The following PHACTR1 variants were observed in gnomAD, a reference collection of about 807,000 sequenced individuals.
The protein encoded by PHACTR1 is RPEL repeat containing 1.
PHACTR1 carries 16 observed loss-of-function variants against 69.2 expected under a neutral mutation model. The ratio of observed to expected loss-of-function variants is 0.23; its 90% CI spans 0.16 to 0.35. The LOEUF (loss-of-function observed/expected upper bound fraction) is 0.35, where lower values mean the gene tolerates loss of function less well. Ranked by LOEUF, PHACTR1 falls within the 10% of genes least tolerant of loss-of-function variation. The probability of loss-of-function intolerance (pLI) is 1.00; values close to 1 mark genes in which losing one functional copy is unlikely to be tolerated. For missense variants in PHACTR1, 510 were observed against 734.7 expected (o/e 0.69, Z 3.54); for synonymous variants, 312 against 284.5 (o/e 1.10, Z -0.97).
chr6:13,118,420 C>T (rs892736764), intron 5 of PHACTR1, among the ~76,000 whole-genome samples: 8 of 151,396 alleles, frequency 5.3e-5, no homozygotes, highest in Admixed American at 1.3e-4. Context: ...ATAACATCCT[C>T]GTGAAGCTTC....
In PHACTR1 at chr6:13,206,746, GGGCACACT is replaced by G. The variant is rs1489132410; in HGVS notation, c.986+611_986+618del. Among the ~76,000 whole-genome samples, 3 of 152,116 alleles carry G rather than the reference GGGCACACT, an allele frequency of 2.0e-5. No individual in the cohort carries two copies. In the East Asian group the frequency reaches 5.8e-4, roughly 29 times the overall value. ...CCTGGTCAGACATCATCCCCTCACAGGGCACACTTACACCCACACCCACACCCACACTC... is the reference window on the plus strand; with the variant it reads ...CCTGGTCAGACATCATCCCCTCACAGTACACCCACACCCACACCCACACTC... On this transcript the variant is annotated intron_variant, in intron 8 of 14. Transcript: ENST00000332995.
intron 4 of PHACTR1, among the ~76,000 whole-genome samples, chr6:13,020,440 C>T (rs754044571): frequency 6.6e-6 from 1 of 152,178 alleles, no homozygotes; most frequent in East Asian, 1.9e-4. Flanking sequence ...AACAGTCCAG[C>T]GAGGGACGTT....
chr6:13,231,083 GGAAGAAGGAAGGAAGGGAAAA>G (rs1770911485), intron 10 of PHACTR1, among the ~76,000 whole-genome samples: 2 of 25,932 alleles, frequency 7.7e-5, no homozygotes, highest in African/African-American at 3.6e-4. Context: ...AAGGAAGGAA[GGAAGAAGGAAGGAAGGGAAAA>G]GAAAGAAGGA....
intron 3 of PHACTR1, among the ~76,000 whole-genome samples, chr6:12,743,062 C>A (rs1437101048): frequency 6.6e-6 from 1 of 152,072 alleles, no homozygotes; most frequent in African/African-American, 2.4e-5. Context: ...CCAATATGTG[C>A]CCAGAATTTA....
At chr6:13,150,541 A>G (rs552963697) in intron 5 of PHACTR1, among the ~76,000 whole-genome samples, 1 of 152,282 alleles carries the variant, frequency 6.6e-6, no homozygotes, top group South Asian at 2.1e-4. Context: ...CTAGATTAAT[A>G]TGACTTTTTA....
intron 5 of PHACTR1, among the ~76,000 whole-genome samples, chr6:13,109,116 TA>T (rs1816612256): frequency 6.6e-6 from 1 of 152,070 alleles, no homozygotes; most frequent in Admixed American, 6.6e-5. Flanking sequence ...CTCCTTGTGC[TA>T]TTGTGGAAAT....
rs552176770 is a variant in PHACTR1 at position 13,248,377 on chromosome 6, GCTAC to G, written c.1391+18188_1391+18191del. Among the ~76,000 whole-genome samples, 27 of 152,308 alleles carry G rather than the reference GCTAC, an allele frequency of 1.8e-4. 1 individual carries two copies. In the East Asian group the frequency reaches 4.8e-3, roughly 27 times the overall value. ...AAACATTGTATCACGTCAGCTGCAG[GCTAC>G]CTAATTAGTTAAAATGTATCATAAA... On this transcript the variant is annotated intron_variant, in intron 10 of 14. Transcript: ENST00000332995.
At chr6:13,066,573 A>C (rs1340120503) in intron 5 of PHACTR1, among the ~76,000 whole-genome samples, 2 of 152,176 alleles carry the variant, frequency 1.3e-5, no homozygotes, top group Non-Finnish European at 2.9e-5. Context: ...TGTGTTACAA[A>C]ACCCCCTAAA....
intron 5 of PHACTR1, among the ~76,000 whole-genome samples, chr6:13,083,894 G>A (rs976561405): frequency 2.0e-5 from 3 of 152,132 alleles, no homozygotes; most frequent in Non-Finnish European, 2.9e-5. Context: ...TCTGCAAACA[G>A]GGACAATTTG....
At position 12,827,608 on chromosome 6, in the gene PHACTR1, A is replaced by G. The variant is rs550892251; in HGVS notation, c.250+77818A>G. Among the ~76,000 whole-genome samples, 6 of 152,328 alleles carry G rather than the reference A, an allele frequency of 3.9e-5. No homozygotes were observed. In the South Asian group the frequency reaches 8.3e-4, roughly 21 times the overall value. On this transcript the variant is annotated intron_variant, in intron 4 of 14. Transcript: ENST00000332995. ...GTATTTCATTCATGAAAAAGGCAAC[A>G]TATATCCTCACACAGATGCAAATCC... is the stretch of plus-strand genomic sequence containing the variant.
In PHACTR1 at chr6:12,969,871, G is replaced by A. The variant is rs572873853; in HGVS notation, c.251-83494G>A. Reference sequence around the variant, plus strand: ...CCAGCTACTCAGGAGGCTGAGGCAGGAGAATTGCTTGAACCCAGGAGGTGG... The same window carrying A: ...CCAGCTACTCAGGAGGCTGAGGCAGAAGAATTGCTTGAACCCAGGAGGTGG... On this transcript the variant is annotated intron_variant, in intron 4 of 14. Transcript: ENST00000332995. 3.9e-5 allele frequency among the ~76,000 whole-genome samples: 6 copies of A among 152,294 alleles called. 1 individual carries two copies. The South Asian group carries it at 1.2e-3, about 32-fold the overall frequency.
intron 10 of PHACTR1, among the ~76,000 whole-genome samples, chr6:13,263,804 T>C (rs1776249690): frequency 6.6e-6 from 1 of 152,224 alleles, no homozygotes; most frequent in Non-Finnish European, 1.5e-5. Flanking sequence ...ATCTTGACTT[T>C]GATTCTTGGA....
intron 4 of PHACTR1, among the ~76,000 whole-genome samples, chr6:12,925,254 G>C (rs1183706734): frequency 1.3e-5 from 2 of 152,134 alleles, no homozygotes; most frequent in South Asian, 2.1e-4. Flanking sequence ...GATTCAACAT[G>C]GTTATGTTGT....
intron 4 of PHACTR1, among the ~76,000 whole-genome samples, chr6:13,020,144 T>C (rs1800754053): frequency 6.6e-6 from 1 of 152,104 alleles, no homozygotes; most frequent in Non-Finnish European, 1.5e-5. Flanking sequence ...GAGGCAAAAG[T>C]TGCAATAGAA....
At chr6:12,739,180 T>A (rs1428139059) in intron 3 of PHACTR1, among the ~76,000 whole-genome samples, 1 of 152,210 alleles carries the variant, frequency 6.6e-6, no homozygotes. Flanking sequence ...ACTGTCATCA[T>A]TCTTTTCTTA....
chr6:12,868,560 G>A (rs1313504886), intron 4 of PHACTR1, among the ~76,000 whole-genome samples: 1 of 143,186 alleles, frequency 7.0e-6, no homozygotes, highest in Non-Finnish European at 1.5e-5. Flanking sequence ...ATAGCACTTG[G>A]GGAAGAAGAT....
At chr6:12,999,120 C>CA (rs1232267379) in intron 4 of PHACTR1, among the ~76,000 whole-genome samples, 1 of 152,106 alleles carries the variant, frequency 6.6e-6, no homozygotes, top group Non-Finnish European at 1.5e-5. Flanking sequence ...AACCTTTGCA[C>CA]AAGGGTACAA....
intron 10 of PHACTR1, among the ~76,000 whole-genome samples, chr6:13,257,625 G>A (rs429029): frequency 6.6e-6 from 1 of 152,032 alleles, no homozygotes; most frequent in African/African-American, 2.4e-5. Context: ...CAAATCTCAC[G>A]TTTTCCCTTG....
At chr6:13,166,988 A>G (rs573529195) in intron 6 of PHACTR1, among the ~76,000 whole-genome samples, 1 of 152,296 alleles carries the variant, frequency 6.6e-6, no homozygotes, top group African/African-American at 2.4e-5. Context: ...TAGTGATAAT[A>G]TTTCTCACAC....
Sources: allele counts gnomAD v4.1 joint callset (sites outside exome capture counted in the v4.1 genomes callset), GRCh38; gene constraint gnomAD v4.1.1; transcripts MANE v1.5; gene names NCBI Gene and HGNC (gene_info 2026-07-23, HGNC 2026-07-21).